Variants in SDC2 observed in about 807,000 individuals in gnomAD.
The protein encoded by SDC2 is syndecan 2.
SDC2 carries 13 observed loss-of-function variants against 22.2 expected under a neutral mutation model. That is an observed-to-expected ratio of 0.59 (90% confidence interval 0.38 to 0.93). The LOEUF is 0.93. SDC2 is among the 40% of genes least tolerant of loss of function. The probability of loss-of-function intolerance (pLI) is 0.00; values close to 1 mark genes in which losing one functional copy is unlikely to be tolerated. For synonymous variants in SDC2, 94 were observed against 92.8 expected (o/e 1.01, Z -0.07); for missense variants, 235 against 246.8 (o/e 0.95, Z 0.32).
At chr8:96,560,255 TGTTATC>T (rs1366668636) in intron 1 of SDC2, among the ~76,000 whole-genome samples, 1 of 152,248 alleles carries the variant, frequency 6.6e-6, no homozygotes, top group African/African-American at 2.4e-5. Flanking sequence ...CTCTGGATTT[TGTTATC>T]AGAAGATGGT....
At chr8:96,591,556 G>A (rs1298829883) in intron 1 of SDC2, among the ~76,000 whole-genome samples, 1 of 152,120 alleles carries the variant, frequency 6.6e-6, no homozygotes, top group East Asian at 1.9e-4. Context: ...CTGCTGAGGG[G>A]CAAGAAAAAT....
intron 2 of SDC2, among the ~76,000 whole-genome samples, chr8:96,600,096 C>G (rs927301624): frequency 2.0e-5 from 3 of 152,074 alleles, no homozygotes; most frequent in Non-Finnish European, 4.4e-5. Context: ...AAGTTTGAAG[C>G]TACAGTGAGC....
chr8:96,555,102 AT>A (rs936764866), intron 1 of SDC2, among the ~76,000 whole-genome samples: 1 of 151,684 alleles, frequency 6.6e-6, no homozygotes, highest in African/African-American at 2.4e-5. Flanking sequence ...TCTGCAGTGT[AT>A]TTTTGTGGCA....
At chr8:96,590,664 A>G (rs961513377) in intron 1 of SDC2, among the ~76,000 whole-genome samples, 1 of 152,050 alleles carries the variant, frequency 6.6e-6, no homozygotes, top group African/African-American at 2.4e-5. Context: ...GGGGAAGGCA[A>G]TAGAGGTATT....
chr8:96,586,432 C>T (rs560559453), intron 1 of SDC2: 21 of 152,352 alleles, frequency 1.4e-4, no homozygotes, highest in African/African-American at 5.1e-4. Flanking sequence ...AGATCAGGCT[C>T]AGGCCTGGGT....
chr8:96,515,349 A>C (rs957491009), intron 1 of SDC2, among the ~76,000 whole-genome samples: 2 of 152,202 alleles, frequency 1.3e-5, no homozygotes, highest in Admixed American at 6.5e-5. Flanking sequence ...AGAATGCGGT[A>C]ATCTTTCATG....
At chr8:96,590,430 G>A (rs1205758221) in intron 1 of SDC2, among the ~76,000 whole-genome samples, 4 of 152,154 alleles carry the variant, frequency 2.6e-5, no homozygotes, top group Non-Finnish European at 5.9e-5. Flanking sequence ...CCTCAGTCAA[G>A]CAGACTACAT....
At chr8:96,547,007 G>C (rs1813945013) in intron 1 of SDC2, among the ~76,000 whole-genome samples, 1 of 152,182 alleles carries the variant, frequency 6.6e-6, no homozygotes, top group South Asian at 2.1e-4. Context: ...AAGCTTTTCT[G>C]AACTGGCATT....
intron 1 of SDC2, among the ~76,000 whole-genome samples, chr8:96,592,616 C>A (rs1814800841): frequency 6.6e-6 from 1 of 152,094 alleles, no homozygotes; most frequent in African/African-American, 2.4e-5. Context: ...GCAAGTTCTT[C>A]TTTTGGCAGG....
At chr8:96,543,209 T>C (rs952517074) in intron 1 of SDC2, among the ~76,000 whole-genome samples, 1 of 151,676 alleles carries the variant, frequency 6.6e-6, no homozygotes, top group Non-Finnish European at 1.5e-5. Flanking sequence ...TTAATGTGTA[T>C]ACTCAGAGCT....
intron 1 of SDC2, among the ~76,000 whole-genome samples, chr8:96,527,490 C>T (rs115092584): frequency 0.03 from 4,610 of 152,200 alleles, 231 homozygotes; most frequent in African/African-American, 0.1. Flanking sequence ...CTTACATGCC[C>T]GTCAGTGGCT....
intron 1 of SDC2, among the ~76,000 whole-genome samples, chr8:96,541,980 G>A (rs1366623037): frequency 6.6e-6 from 1 of 152,206 alleles, no homozygotes; most frequent in Non-Finnish European, 1.5e-5. Context: ...TTAGAGGTGA[G>A]CATGTGATGC....
chr8:96,537,127 A>T (rs1283942299), intron 1 of SDC2, among the ~76,000 whole-genome samples: 1 of 152,178 alleles, frequency 6.6e-6, no homozygotes, highest in Non-Finnish European at 1.5e-5. Flanking sequence ...TGCTGTAATG[A>T]AAAACAGTAG....
At chr8:96,520,621 G>A (rs1040143654) in intron 1 of SDC2, among the ~76,000 whole-genome samples, 1 of 152,210 alleles carries the variant, frequency 6.6e-6, no homozygotes, top group Non-Finnish European at 1.5e-5. Flanking sequence ...ACCCATTGGC[G>A]TGTTGAGAGT....
At chr8:96,564,241 A>G (rs1814258621) in intron 1 of SDC2, among the ~76,000 whole-genome samples, 1 of 152,202 alleles carries the variant, frequency 6.6e-6, no homozygotes, top group South Asian at 2.1e-4. Flanking sequence ...CACCTGTATC[A>G]TTAGTGTTGG....
At chr8:96,538,512 G>A (rs111717050) in intron 1 of SDC2, among the ~76,000 whole-genome samples, 7,341 of 99,462 alleles carry the variant, frequency 0.074, 612 homozygotes, top group African/African-American at 0.19. Flanking sequence ...AAAGCATATA[G>A]AGGTATTTTT....
At chr8:96,517,069 C>T (rs1046593946) in intron 1 of SDC2, among the ~76,000 whole-genome samples, 1 of 152,168 alleles carries the variant, frequency 6.6e-6, no homozygotes, top group Non-Finnish European at 1.5e-5. Flanking sequence ...CAGCAGTGCA[C>T]AGGGTTCCAG....
chr8:96,580,550 G>A, intron 1 of SDC2: 1 of 983,498 alleles, frequency 1.0e-6, no homozygotes, highest in African/African-American at 1.7e-5. Flanking sequence ...CACTCTGTGG[G>A]CAGAGGTTCT....
chr8:96,577,893 A>G (rs1467354555), intron 1 of SDC2, among the ~76,000 whole-genome samples: 1 of 152,144 alleles, frequency 6.6e-6, no homozygotes, highest in African/African-American at 2.4e-5. Flanking sequence ...AAGTTCCTTC[A>G]TGTCTTTTTG....
Sources: gnomAD v4.1 joint callset for allele counts (sites outside exome capture counted in the v4.1 genomes callset) on GRCh38, gnomAD v4.1.1 for gene constraint, MANE v1.5 for transcripts, NCBI Gene and HGNC (gene_info 2026-07-23, HGNC 2026-07-21) for gene names.